The following H2AC7 variants were observed in gnomAD, a reference collection of about 807,000 sequenced individuals.
H2AC7 encodes the protein histone H2A type 1-D.
In H2AC7, 15 loss-of-function variants were observed where a neutral mutation model predicts 8.3. The ratio of observed to expected loss-of-function variants is 1.81; its 90% CI spans 1.21 to 2.79. The LOEUF is 2.79. H2AC7 is among the 30% of genes most tolerant of loss of function. The probability of loss-of-function intolerance (pLI) is 0.00; values close to 1 mark genes in which losing one functional copy is unlikely to be tolerated. For missense variants in H2AC7, 283 were observed against 175.2 expected (o/e 1.62, Z -3.47); for synonymous variants, 168 against 80.1 (o/e 2.10, Z -5.86).
Position 26,198,871 on chromosome 6 carries a change from G to A in H2AC7, c.373C>T (p.His125Tyr), listed in dbSNP as rs1581450467. 3.1e-6 allele frequency: 5 copies of A among 1,614,062 alleles called. No individual in the cohort carries two copies. Among genetic ancestry groups the A allele is most frequent in the Non-Finnish European group, 4.2e-6 (5 of 1,179,994 alleles). ...TCGTTTTACTTGCCCTTGGCCTTGT[G>A]GTGACTCTCAGTCTTCTTGGGGAGC... ...VLLPKKTESH[H>Y]KAKGK Residue 125 changes from histidine to tyrosine, a missense_variant, in exon 1 of 1, where the codon CAC (histidine) becomes TAC (tyrosine). His to Tyr is a moderately conservative substitution (Grantham distance 83). Coordinates refer to ENST00000341023, the MANE Select transcript of H2AC7 (RefSeq NM_021065.3).
In H2AC7 at chr6:26,199,087, C is replaced by T; in HGVS notation, c.157G>A (p.Ala53Thr). The change falls in exon 1 of 1, where the codon GCG becomes ACG. Residue 53 changes from alanine to threonine, a missense_variant. By Grantham distance (58) the Ala-to-Thr change is moderately conservative (BLOSUM62 0). Transcript: ENST00000341023. The stretch of plus-strand genomic sequence containing the variant: ...GCGGTCAGGTACTCCAACACCGCCG[C>T]CAGATACACTGGCGCGCCGGCCCCG... ...RVGAGAPVYL[A>T]AVLEYLTAEI... 2 of 1,614,176 alleles carry T rather than the reference C, an allele frequency of 1.2e-6. No homozygotes were observed. The highest frequency in any genetic ancestry group is 1.7e-6 in the Non-Finnish European group (2 of 1,180,034).
rs755817012 is a variant in H2AC7, at chr6:26,199,192, G to A, written c.52C>T (p.Arg18Cys). The A allele has an allele frequency of 6.2e-7, 1 of 1,613,958 alleles. No homozygotes were observed. Among genetic ancestry groups the A allele is most frequent in the Non-Finnish European group, 8.5e-7 (1 of 1,179,930 alleles). The stretch of plus-strand genomic sequence containing the variant: ...AACTGGAGTCCGGCCCGCGAAGAGC[G>A]GGTCTTAGCCTTAGCTCGGGCCTTT... ...GGKARAKAKT[R>C]SSRAGLQFPV... Residue 18 changes from arginine (R) to cysteine (C), a missense_variant, in exon 1 of 1, where the codon CGC becomes TGC. Arg to Cys is a radical substitution (Grantham distance 180, BLOSUM62 -3). Transcript: ENST00000341023.
rs1407622065 is a variant in H2AC7, at chr6:26,199,258, A to C, written c.-15T>G. 6.3e-7 allele frequency: 1 copy of C among 1,590,990 alleles called. No individual in the cohort carries two copies. The highest frequency in any genetic ancestry group is 8.5e-7 in the Non-Finnish European group (1 of 1,174,126). On this transcript the variant is annotated 5_prime_UTR_variant, in exon 1 of 1. Coordinates refer to ENST00000341023, the MANE Select transcript of H2AC7 (RefSeq NM_021065.3). Reference sequence around the variant, plus strand: ...CGTCCGGACATTTTGAATTCTTAAAAACGATGTTAAGCAATGAAGACAAAA... The same window carrying C: ...CGTCCGGACATTTTGAATTCTTAAACACGATGTTAAGCAATGAAGACAAAA...
rs1383554705 is a variant in H2AC7 at position 26,199,267 on chromosome 6, A to C, written c.-24T>G. The C allele has an allele frequency of 6.3e-7, 1 of 1,582,424 alleles. No individual in the cohort carries two copies. The highest frequency in any genetic ancestry group is 8.5e-7 in the Non-Finnish European group (1 of 1,171,478). On this transcript the variant is annotated 5_prime_UTR_variant, in exon 1 of 1. Transcript: ENST00000341023. ...ATTTTGAATTCTTAAAAACGATGTTAAGCAATGAAGACAAAAATGTAAAAG... is the reference window on the plus strand; with the variant it reads ...ATTTTGAATTCTTAAAAACGATGTTCAGCAATGAAGACAAAAATGTAAAAG...
In H2AC7 at chr6:26,198,985, C is replaced by G; in HGVS notation, c.259G>C (p.Ala87Pro). The change falls in exon 1 of 1, where the codon GCC becomes CCC. Residue 87 changes from alanine (A) to proline (P), a missense_variant. Physicochemically the swap from Ala to Pro is conservative, Grantham distance 27. Coordinates refer to ENST00000341023, the MANE Select transcript of H2AC7 (RefSeq NM_021065.3). ...TTTAGCTCCTCGTCGTTGCGGATGG[C>G]CAGCTGCAGGTGTCGGGGGATGATG... ...TRIIPRHLQL[A>P]IRNDEELNKL... is the part of the protein sequence containing the mutation. 1 of 1,614,208 alleles carries G rather than the reference C, an allele frequency of 6.2e-7. No individual in the cohort carries two copies. Among genetic ancestry groups the G allele is most frequent in the Non-Finnish European group, 8.5e-7 (1 of 1,180,040 alleles).
Position 26,199,199 on chromosome 6 carries a change from A to C in H2AC7, c.45T>G (p.Ala15=), listed in dbSNP as rs748308650. The change falls in exon 1 of 1, where the codon GCT becomes GCG. Residue 15 remains alanine, a synonymous_variant. Transcript: ENST00000341023. ...GKQGGKARAK[A]KTRSSRAGLQ... ...GTCCGGCCCGCGAAGAGCGGGTCTT[A>C]GCCTTAGCTCGGGCCTTTCCGCCTT... 6.2e-7 allele frequency: 1 copy of C among 1,613,080 alleles called. No individual in the cohort carries two copies. The highest frequency in any genetic ancestry group is 8.5e-7 in the Non-Finnish European group (1 of 1,179,696).
rs777278829 is a variant in H2AC7, at chr6:26,199,255, A to C, written c.-12T>G. The C allele has an allele frequency of 9.4e-6, 15 of 1,591,680 alleles. No individual in the cohort carries two copies. The highest frequency in any genetic ancestry group is 1.3e-5 in the Non-Finnish European group (15 of 1,174,370). ...CCGCGTCCGGACATTTTGAATTCTT[A>C]AAAACGATGTTAAGCAATGAAGACA... On this transcript the variant is annotated 5_prime_UTR_variant, in exon 1 of 1. Transcript: ENST00000341023.
chr6:26,199,137 C>T lies in H2AC7; in HGVS notation c.107G>A (p.Arg36His), dbSNP rs368444246. 1.0e-4 allele frequency: 169 copies of T among 1,614,070 alleles called. 1 individual carries two copies. The highest frequency in any genetic ancestry group is 8.2e-4 in the Middle Eastern group (5 of 6,084). ...FPVGRVHRLL[R>H]KGNYSERVGA... is the part of the protein sequence containing the mutation. ...GACTCGCTCGGAGTAGTTGCCCTTG[C>T]GGAGCAAGCGGTGTACGCGGCCCAC... The change falls in exon 1 of 1, where the codon CGC (arginine) becomes CAC (histidine). Residue 36 changes from arginine to histidine, a missense_variant. Physicochemically the swap from Arg to His is conservative, Grantham distance 29 (BLOSUM62 0). Transcript: ENST00000341023.
In H2AC7 at chr6:26,198,874, G is replaced by A. The variant is rs752532053; in HGVS notation, c.370C>T (p.His124Tyr). 1.9e-6 allele frequency: 3 copies of A among 1,614,086 alleles called. No individual in the cohort carries two copies. Among genetic ancestry groups the A allele is most frequent in the East Asian group, 2.2e-5 (1 of 44,892 alleles). Reference protein sequence around the residue: ...AVLLPKKTESHHKAKGK With the variant: ...AVLLPKKTESYHKAKGK ...TTTTACTTGCCCTTGGCCTTGTGGT[G>A]ACTCTCAGTCTTCTTGGGGAGCAGT... The change falls in exon 1 of 1, where the codon CAC becomes TAC. Residue 124 changes from histidine (H) to tyrosine (Y), a missense_variant. Transcript: ENST00000341023.
At position 26,199,035 on chromosome 6, in the gene H2AC7, G is replaced by C. The variant is rs370378863; in HGVS notation, c.209C>G (p.Ala70Gly). Residue 70 changes from alanine (A) to glycine (G), a missense_variant, in exon 1 of 1, where the codon GCC becomes GGC. Transcript: ENST00000341023. The part of the protein sequence containing the change: ...TAEILELAGN[A>G]ARDNKKTRII... ...GCGGGTCTTCTTGTTGTCGCGGGCG[G>C]CGTTGCCCGCCAGCTCCAGGATCTC... is the stretch of plus-strand genomic sequence containing the variant. 12 of 1,614,052 alleles carry C rather than the reference G, an allele frequency of 7.4e-6. No individual in the cohort carries two copies. The highest frequency in any genetic ancestry group is 1.3e-5 in the African/African-American group (1 of 74,924).
In H2AC7 at chr6:26,198,947, A is replaced by T. The variant is rs1765054662; in HGVS notation, c.297T>A (p.Gly99=). The change falls in exon 1 of 1, where the codon GGT becomes GGA. Residue 99 remains glycine, a synonymous_variant. Coordinates refer to ENST00000341023, the MANE Select transcript of H2AC7 (RefSeq NM_021065.3). The stretch of plus-strand genomic sequence containing the variant: ...CACCGCCCTGAGCAATTGTGACTTT[A>T]CCCAGCAACTTGTTTAGCTCCTCGT... ...RNDEELNKLL[G]KVTIAQGGVL... is the part of the protein sequence containing the mutation. The T allele has an allele frequency of 6.2e-7, 1 of 1,614,000 alleles. No homozygotes were observed. Among genetic ancestry groups the T allele is most frequent in the Admixed American group, 1.7e-5 (1 of 59,994 alleles).
Position 26,198,789 on chromosome 6 carries a change from G to A in H2AC7, c.*62C>T, listed in dbSNP as rs1765048692. On this transcript the variant is annotated 3_prime_UTR_variant, in exon 1 of 1. Transcript: ENST00000341023. ...GAGCCCTTTTAAGGAATACATGGGT[G>A]GCTCTGAAAAGAGCCTTTGTTAAGA... 2.0e-6 allele frequency: 3 copies of A among 1,508,340 alleles called. No homozygotes were observed. The highest frequency in any genetic ancestry group is 1.2e-5 in the South Asian group (1 of 84,026). The allele number at this position is 1,508,340 out of a possible 1,614,324, so 93.4% of individuals were successfully genotyped here.
At position 26,198,819 on chromosome 6, in the gene H2AC7, T is replaced by G. The variant is rs921757485; in HGVS notation, c.*32A>C. On this transcript the variant is annotated 3_prime_UTR_variant, in exon 1 of 1. Transcript: ENST00000341023. ...TGAAAAGAGCCTTTGTTAAGACTGC[T>G]TCCTTAAAAAGCCAATATAAGAGTT... 6.2e-7 allele frequency: 1 copy of G among 1,601,002 alleles called. No homozygotes were observed. Among genetic ancestry groups the G allele is most frequent in the African/African-American group, 1.4e-5 (1 of 73,818 alleles).
chr6:26,199,258 A>T lies in H2AC7; in HGVS notation c.-15T>A. On this transcript the variant is annotated 5_prime_UTR_variant, in exon 1 of 1. Transcript: ENST00000341023. ...CGTCCGGACATTTTGAATTCTTAAA[A>T]ACGATGTTAAGCAATGAAGACAAAA... 1 of 1,591,108 alleles carries T rather than the reference A, an allele frequency of 6.3e-7. No homozygotes were observed. The highest frequency in any genetic ancestry group is 8.5e-7 in the Non-Finnish European group (1 of 1,174,118).
Position 26,198,918 on chromosome 6 carries a change from A to G in H2AC7, c.326T>C (p.Leu109Pro). Residue 109 changes from leucine (L) to proline (P), a missense_variant, in exon 1 of 1, where the codon CTG (leucine) becomes CCG (proline). Transcript: ENST00000341023. ...GKVTIAQGGV[L>P]PNIQAVLLPK... The stretch of plus-strand genomic sequence containing the variant: ...GAGCAGTACAGCCTGGATGTTGGGC[A>G]GAACACCGCCCTGAGCAATTGTGAC... The G allele has an allele frequency of 6.2e-7, 1 of 1,614,252 alleles. No homozygotes were observed. Among genetic ancestry groups the G allele is most frequent in the Non-Finnish European group, 8.5e-7 (1 of 1,180,028 alleles).
chr6:26,198,818 C>T lies in H2AC7; in HGVS notation c.*33G>A. On this transcript the variant is annotated 3_prime_UTR_variant, in exon 1 of 1. Coordinates refer to ENST00000341023, the MANE Select transcript of H2AC7 (RefSeq NM_021065.3). ...CTGAAAAGAGCCTTTGTTAAGACTG[C>T]TTCCTTAAAAAGCCAATATAAGAGT... The T allele has an allele frequency of 6.2e-7, 1 of 1,600,600 alleles. No homozygotes were observed. The highest frequency in any genetic ancestry group is 8.5e-7 in the Non-Finnish European group (1 of 1,175,882).
rs777936216 is a variant in H2AC7, at chr6:26,199,222, C to T, written c.22G>A (p.Gly8Ser). 2.5e-6 allele frequency: 4 copies of T among 1,605,988 alleles called. No homozygotes were observed. Among genetic ancestry groups the T allele is most frequent in the East Asian group, 2.2e-5 (1 of 44,852 alleles). ...TTAGCCTTAGCTCGGGCCTTTCCGC[C>T]TTGCTTGCCGCGTCCGGACATTTTG... MSGRGKQGGKARAKAKTR... is the reference protein window; with the variant it reads MSGRGKQSGKARAKAKTR... The change falls in exon 1 of 1, where the codon GGC (glycine) becomes AGC (serine). Residue 8 changes from glycine to serine, a missense_variant. Transcript: ENST00000341023.
rs1330275451 is a variant in H2AC7 at position 26,199,291 on chromosome 6, A to G, written c.-48T>C. On this transcript the variant is annotated 5_prime_UTR_variant, in exon 1 of 1. Coordinates refer to ENST00000341023, the MANE Select transcript of H2AC7 (RefSeq NM_021065.3). ...TAAGCAATGAAGACAAAAATGTAAA[A>G]GTGAATTTTGTTAGCAAGTGAGAAA... The G allele has an allele frequency of 1.3e-6, 2 of 1,564,994 alleles. No individual in the cohort carries two copies. Among genetic ancestry groups the G allele is most frequent in the Admixed American group, 4.4e-5 (2 of 45,074 alleles).
Position 26,199,166 on chromosome 6 carries a change from G to C in H2AC7, c.78C>G (p.Phe26Leu). Residue 26 changes from phenylalanine to leucine, a missense_variant, in exon 1 of 1, where the codon TTC becomes TTG. Transcript: ENST00000341023. Reference protein sequence around the residue: ...KTRSSRAGLQFPVGRVHRLLR... With the variant: ...KTRSSRAGLQLPVGRVHRLLR... The stretch of plus-strand genomic sequence containing the variant: ...GCAAGCGGTGTACGCGGCCCACAGG[G>C]AACTGGAGTCCGGCCCGCGAAGAGC... 6.2e-7 allele frequency: 1 copy of C among 1,614,134 alleles called. No individual in the cohort carries two copies.
Sources: allele counts gnomAD v4.1 joint callset, GRCh38; gene constraint gnomAD v4.1.1; transcripts MANE v1.5; gene names NCBI Gene and HGNC (gene_info 2026-07-23, HGNC 2026-07-21).